Variants in ATM observed in about 807,000 individuals in gnomAD.
The protein encoded by ATM is ATM serine/threonine kinase, also known as serine-protein kinase ATM.
A neutral mutation model predicts 387.0 loss-of-function variants in ATM; 308 were observed. The ratio of observed to expected loss-of-function variants is 0.80; its 90% CI spans 0.73 to 0.87. ATM has a LOEUF of 0.87. Ranked by LOEUF, ATM falls within the 40% of genes least tolerant of loss-of-function variation. The pLI, the probability that ATM is intolerant of heterozygous loss-of-function variation, is 0.00. For synonymous variants in ATM, 1,156 were observed against 1,187.3 expected (o/e 0.97, Z 0.54); for missense variants, 3,312 against 3,560.9 (o/e 0.93, Z 1.78).
rs1246719933 is a variant in ATM, at chr11:108,244,646, A to G, written c.663-142A>G. 5.4e-6 allele frequency: 4 copies of G among 746,238 alleles called. No homozygotes were observed. In the Admixed American group the frequency reaches 9.1e-5, roughly 17 times the overall value. The allele number at this position is 746,238 out of a possible 1,614,324, so 46.2% of individuals were successfully genotyped here. A position where few individuals can be genotyped will look rare whatever the true frequency, so the allele number is the denominator to read the frequency against. ...AGTAATGCTGTGATTTTTTTTTTTA[A>G]TGAATAGTTTTGAAATTAAGACTAC... On this transcript the variant is annotated intron_variant, in intron 6 of 62. Coordinates refer to ENST00000675843, the MANE Select transcript of ATM (RefSeq NM_000051.4).
chr11:108,347,517 C>A, intron 59 of ATM, 152 bp downstream of exon 59: 1 of 660,498 alleles, frequency 1.5e-6, no homozygotes, highest in Non-Finnish European at 2.6e-6. Context: ...AACAGTTGTC[C>A]TAGAAGAAAC....
chr11:108,266,349 A>T (rs940860077), intron 16 of ATM, among the ~76,000 whole-genome samples: 1 of 151,972 alleles, frequency 6.6e-6, no homozygotes, highest in Non-Finnish European at 1.5e-5. Flanking sequence ...CATGGATGAA[A>T]TTGGAAATCA....
At chr11:108,341,881 C>T (rs1025271272) in intron 56 of ATM, among the ~76,000 whole-genome samples, 2 of 152,072 alleles carry the variant, frequency 1.3e-5, no homozygotes, top group East Asian at 3.9e-4. Flanking sequence ...GTATATAAAT[C>T]GGTACAGTCA....
chr11:108,247,506 AT>A (rs1320414528), intron 8 of ATM, among the ~76,000 whole-genome samples: 6 of 152,284 alleles, frequency 3.9e-5, no homozygotes, highest in African/African-American at 1.4e-4. Flanking sequence ...ATAGCATAAA[AT>A]TCACGATTTT....
chr11:108,297,010 G>C, intron 32 of ATM: 3 of 387,792 alleles, frequency 7.7e-6, no homozygotes, highest in Non-Finnish European at 1.4e-5. Context: ...TTGTGCTTCT[G>C]TTTGTGATTT....
chr11:108,288,954 A>AT lies in ATM; in HGVS notation c.4110-17dup, dbSNP rs2082636307. 10 of 1,613,142 alleles carry AT rather than the reference A, an allele frequency of 6.2e-6. No homozygotes were observed. Among genetic ancestry groups the AT allele is most frequent in the Non-Finnish European group, 8.5e-6 (10 of 1,179,578 alleles). ...CAAAACTTTTTAAAACGATGACTGT[A>AT]TTTTTTCCCTTAACTCTGTTAGGGA... On this transcript the variant is annotated intron_variant, in intron 27 of 62. Transcript: ENST00000675843.
At chr11:108,330,111 T>A in intron 49 of ATM, 103 bp from the exon 50 acceptor site, 1 of 1,372,302 alleles carries the variant, frequency 7.3e-7, no homozygotes. Context: ...TTCCCTGGGA[T>A]AAAAACCCAA....
intron 38 of ATM, chr11:108,308,768 C>T: frequency 2.2e-6 from 1 of 459,636 alleles, no homozygotes; most frequent in Non-Finnish European, 3.9e-6. Context: ...AAATTAATTC[C>T]TATGTAGTCT....
intron 11 of ATM, 37 bp downstream of exon 11, chr11:108,252,068 GTTTGT>G (rs2080184033): frequency 5.7e-6 from 9 of 1,578,884 alleles, no homozygotes; most frequent in African/African-American, 4.0e-5. Context: ...TGTTTTTTTT[GTTTGT>G]TTTATCAGGC....
chr11:108,303,453 A>T (rs1235670224), intron 36 of ATM, among the ~76,000 whole-genome samples: 1 of 152,052 alleles, frequency 6.6e-6, no homozygotes. Flanking sequence ...AACGAAGAGT[A>T]AAGGTACATA....
Position 108,267,462 on chromosome 11 carries a change from G to C in ATM, c.2638+120G>C. On this transcript the variant is annotated intron_variant, in intron 17 of 62. Transcript: ENST00000675843. ...CATTTTCTCTTAGTATAGCCTTTTA[G>C]GATTGTTCCTTTCTTATATACTTTA... 8 of 821,064 alleles carry C rather than the reference G, an allele frequency of 9.7e-6. No homozygotes were observed. In the South Asian group the frequency reaches 1.3e-4, roughly 13 times the overall value. The allele number at this position is 821,064 out of a possible 1,614,324, so 50.9% of individuals were successfully genotyped here. A position where few individuals can be genotyped will look rare whatever the true frequency, so the allele number is the denominator to read the frequency against.
rs938250851 is a variant in ATM, at chr11:108,367,959, G to A, written c.*2451G>A. ...AGAAAGCCCTGAAATCTTCATGGGT[G>A]AAATTAGAAATTATCAACTAGATAA... On this transcript the variant is annotated 3_prime_UTR_variant, in exon 63 of 63. Transcript: ENST00000675843. 11 of 204,384 alleles carry A rather than the reference G, an allele frequency of 5.4e-5. No homozygotes were observed. The highest frequency in any genetic ancestry group is 2.5e-4 in the African/African-American group (11 of 43,692). 12.7% of individuals were successfully genotyped at this position (204,384 alleles called of 1,614,324 possible).
At chr11:108,265,638 C>G (rs1432723542) in intron 16 of ATM, among the ~76,000 whole-genome samples, 3 of 149,198 alleles carry the variant, frequency 2.0e-5, no homozygotes, top group Non-Finnish European at 4.5e-5. Context: ...CAAATGGGAT[C>G]TAATTAAACT....
intron 5 of ATM, among the ~76,000 whole-genome samples, chr11:108,242,949 G>A (rs978183380): frequency 6.6e-6 from 1 of 152,212 alleles, no homozygotes; most frequent in Non-Finnish European, 1.5e-5. Flanking sequence ...GCCAGGCACA[G>A]TGGCTTATGC....
intron 29 of ATM, among the ~76,000 whole-genome samples, chr11:108,291,660 G>A (rs1210055284): frequency 6.6e-6 from 1 of 152,190 alleles, no homozygotes; most frequent in Non-Finnish European, 1.5e-5. Flanking sequence ...ACCTTAGCTT[G>A]TGTTTAGATA....
intron 13 of ATM, among the ~76,000 whole-genome samples, chr11:108,254,659 AT>A (rs2080362538): frequency 1.3e-5 from 2 of 152,066 alleles, no homozygotes; most frequent in Admixed American, 6.6e-5. Context: ...GATTCTAAGA[AT>A]TTTTATTTTT....
intron 25 of ATM, 151 bp downstream of exon 25, chr11:108,283,030 T>C (rs1412362923): frequency 5.4e-6 from 3 of 559,244 alleles, no homozygotes; most frequent in Admixed American, 6.4e-5. Flanking sequence ...CAGCTTCTTT[T>C]AATAAGAATG....
intron 59 of ATM, among the ~76,000 whole-genome samples, chr11:108,350,273 G>C (rs1046307662): frequency 3.9e-5 from 6 of 152,182 alleles, no homozygotes; most frequent in Non-Finnish European, 8.8e-5. Context: ...GGGACAAGGG[G>C]ACAAGGAGAT....
At chr11:108,267,981 T>C (rs1043602852) in intron 17 of ATM, among the ~76,000 whole-genome samples, 1 of 152,254 alleles carries the variant, frequency 6.6e-6, no homozygotes, top group African/African-American at 2.4e-5. Flanking sequence ...CATTCAAAAT[T>C]GTAGTCAACA....
Sources: gnomAD v4.1 joint callset for allele counts (sites outside exome capture counted in the v4.1 genomes callset) on GRCh38, gnomAD v4.1.1 for gene constraint, MANE v1.5 for transcripts, NCBI Gene and HGNC (gene_info 2026-07-23, HGNC 2026-07-21) for gene names.